Variants in MSH3 observed in about 807,000 individuals in gnomAD.
The protein encoded by MSH3 is DNA mismatch repair protein Msh3.
A neutral mutation model predicts 123.3 loss-of-function variants in MSH3; 106 were observed. The observed-to-expected ratio is 0.86, with a 90% CI of 0.73 to 1.01. MSH3 has a LOEUF of 1.01. MSH3 is among the 50% of genes least tolerant of loss of function. The pLI is 0.00. For synonymous variants in MSH3, 515 were observed against 481.4 expected (o/e 1.07, Z -0.91); for missense variants, 1,459 against 1,347.6 (o/e 1.08, Z -1.29).
At chr5:80,830,386 C>A (rs954163264) in intron 20 of MSH3, among the ~76,000 whole-genome samples, 2 of 152,126 alleles carry the variant, frequency 1.3e-5, no homozygotes, top group Non-Finnish European at 2.9e-5. Flanking sequence ...TAATTTCTAA[C>A]ATTTTATAGG....
intron 13 of MSH3, among the ~76,000 whole-genome samples, chr5:80,763,342 T>C (rs767236670): frequency 2.6e-5 from 4 of 152,208 alleles, no homozygotes; most frequent in Non-Finnish European, 5.9e-5. Context: ...GAACTGGAAA[T>C]ACTGATCCTG....
chr5:80,810,196 A>ATATATATAT (rs1744985808), intron 19 of MSH3, among the ~76,000 whole-genome samples: 4 of 52,876 alleles, frequency 7.6e-5, no homozygotes, highest in African/African-American at 3.3e-4. Context: ...TATATATATA[A>ATATATATAT]ACTAGTAGCA....
Position 80,679,009 on chromosome 5 carries a change from C to T in MSH3, c.1256C>T (p.Ser419Leu), listed in dbSNP as rs578113271. 3.1e-6 allele frequency: 5 copies of T among 1,614,132 alleles called. No individual in the cohort carries two copies. Among genetic ancestry groups the T allele is most frequent in the African/African-American group, 1.3e-5 (1 of 75,050 alleles). ...ASRSELETRM[S>L]SLQPVELLLP... The stretch of plus-strand genomic sequence containing the variant: ...CGTTCAGAGCTAGAAACCCGGATGT[C>T]AAGCCTGCAGCCAGTAGAGCTGCTG... Residue 419 changes from serine to leucine, a missense_variant, in exon 8 of 24, where the codon TCA becomes TTA. Physicochemically the swap from Ser to Leu is moderately radical, Grantham distance 145. Transcript: ENST00000265081.
chr5:80,819,579 T>G (rs1249021177), intron 20 of MSH3, among the ~76,000 whole-genome samples: 4 of 151,378 alleles, frequency 2.6e-5, no homozygotes, highest in Non-Finnish European at 5.9e-5. Context: ...CTCCGCCTCC[T>G]GGATTCAAGC....
In MSH3 at chr5:80,655,313, T is replaced by TC. The variant is rs375240461; in HGVS notation, c.237+349_237+350insC. On this transcript the variant is annotated intron_variant, in intron 1 of 23. Coordinates refer to ENST00000265081, the MANE Select transcript of MSH3 (RefSeq NM_002439.5). ...TTTTTTTTCCTTGGTGGTCGAAGAG[T>TC]TTTACTGATTTTTTAAAAAAGTGCT... 3.4e-3 allele frequency: 840 copies of TC among 248,118 alleles called. 11 individuals are homozygous for TC. The highest frequency in any genetic ancestry group is 0.016 in the African/African-American group (736 of 45,348). The allele number at this position is 248,118 out of a possible 1,614,324, so 15.4% of individuals were successfully genotyped here. A position where few individuals can be genotyped will look rare whatever the true frequency, so the allele number is the denominator to read the frequency against.
In MSH3 at chr5:80,750,078, A is replaced by AGTGTGCGTGTGT. The variant is rs138305039; in HGVS notation, c.1763+5468_1763+5469insCGTGTGTGTGTG. On this transcript the variant is annotated intron_variant, in intron 12 of 23. Transcript: ENST00000265081. ...TTTTTAAGGCTGAATAGTATTCCAG[A>AGTGTGCGTGTGT]GTGTGTGTGTGTGTGTGTGTGTGTG... is the stretch of plus-strand genomic sequence containing the variant. Among the ~76,000 whole-genome samples the AGTGTGCGTGTGT allele has an allele frequency of 2.3e-3, 304 of 134,260 alleles. 2 individuals are homozygous for AGTGTGCGTGTGT. Among genetic ancestry groups the AGTGTGCGTGTGT allele is most frequent in the African/African-American group, 8.1e-3 (271 of 33,382 alleles). The allele number at this position is 134,260 out of a possible 152,430, so 88.1% of individuals were successfully genotyped here. A position where few individuals can be genotyped will look rare whatever the true frequency, so the allele number is the denominator to read the frequency against.
At chr5:80,789,578 C>T (rs1363670574) in intron 18 of MSH3, among the ~76,000 whole-genome samples, 2 of 152,132 alleles carry the variant, frequency 1.3e-5, no homozygotes, top group South Asian at 4.1e-4. Flanking sequence ...ACCATGTTGG[C>T]CAGGCTGGTC....
intron 8 of MSH3, among the ~76,000 whole-genome samples, chr5:80,690,828 A>T (rs1013818109): frequency 1.3e-5 from 2 of 152,146 alleles, no homozygotes; most frequent in Non-Finnish European, 2.9e-5. Context: ...TAACATTTTA[A>T]AAAAATACAG....
intron 8 of MSH3, among the ~76,000 whole-genome samples, chr5:80,693,091 A>G (rs1750355506): frequency 1.4e-5 from 2 of 139,258 alleles, no homozygotes; most frequent in Admixed American, 1.5e-4. Flanking sequence ...GTTTATATAG[A>G]TAAATATACA....
At chr5:80,871,638 C>G (rs1746216818) in intron 22 of MSH3, among the ~76,000 whole-genome samples, 1 of 152,198 alleles carries the variant, frequency 6.6e-6, no homozygotes, top group Non-Finnish European at 1.5e-5. Flanking sequence ...GTGAGCATCT[C>G]CACAGACAGC....
chr5:80,817,248 A>G (rs962218939), intron 20 of MSH3, among the ~76,000 whole-genome samples: 9 of 152,102 alleles, frequency 5.9e-5, no homozygotes, highest in Non-Finnish European at 1.0e-4. Context: ...AGTGGTCAAC[A>G]GTGCTGAAAG....
chr5:80,767,287 G>A lies in MSH3; in HGVS notation c.1897-646G>A, dbSNP rs147901899. Among the ~76,000 whole-genome samples, 645 of 152,122 alleles carry A rather than the reference G, an allele frequency of 4.2e-3. 6 individuals carry two copies. Among genetic ancestry groups the A allele is most frequent in the African/African-American group, 0.014 (593 of 41,530 alleles). On this transcript the variant is annotated intron_variant, in intron 13 of 23. Coordinates refer to ENST00000265081, the MANE Select transcript of MSH3 (RefSeq NM_002439.5). ...AGGGTTATGTGCACTTTTTTATTAC[G>A]AAGACATGCCAAGTTGTTTTTCAAA...
chr5:80,858,501 T>C (rs151130340), intron 21 of MSH3, among the ~76,000 whole-genome samples: 1 of 152,356 alleles, frequency 6.6e-6, no homozygotes, highest in African/African-American at 2.4e-5. Flanking sequence ...TTAGTCTCCA[T>C]GTATTTGGGG....
chr5:80,780,398 A>G (rs1744390034), intron 17 of MSH3, among the ~76,000 whole-genome samples: 2 of 152,206 alleles, frequency 1.3e-5, no homozygotes, highest in Non-Finnish European at 2.9e-5. Flanking sequence ...TATCATACCC[A>G]ACTTACAAAT....
intron 19 of MSH3, among the ~76,000 whole-genome samples, chr5:80,798,811 C>G (rs905877515): frequency 2.6e-5 from 4 of 152,310 alleles, no homozygotes; most frequent in East Asian, 3.9e-4. Context: ...TGGCCCTCCC[C>G]TCTCTTCTTA....
chr5:80,729,429 A>ATGTGTGTGTGT (rs1561458052), intron 10 of MSH3, among the ~76,000 whole-genome samples: 64 of 62,756 alleles, frequency 1.0e-3, no homozygotes, highest in African/African-American at 4.3e-3. Flanking sequence ...AAAAAAAAAA[A>ATGTGTGTGTGT]ATGTGTGTGT....
At chr5:80,869,071 A>G (rs1746154669) in intron 22 of MSH3, among the ~76,000 whole-genome samples, 1 of 152,192 alleles carries the variant, frequency 6.6e-6, no homozygotes. Context: ...ACAATGGACA[A>G]ACAGTTAAGA....
intron 22 of MSH3, among the ~76,000 whole-genome samples, chr5:80,871,882 A>G (rs902554759): frequency 1.3e-5 from 2 of 152,154 alleles, no homozygotes; most frequent in South Asian, 2.1e-4. Context: ...GAGGCTGCCT[A>G]CAACAACCAG....
intron 11 of MSH3, 96 bp downstream of exon 11, chr5:80,741,644 T>C: frequency 1.2e-6 from 1 of 848,058 alleles, no homozygotes; most frequent in Admixed American, 1.8e-5. Flanking sequence ...GGTGAAAATA[T>C]AGTGTCTTTA....
Sources: allele counts gnomAD v4.1 joint callset (sites outside exome capture counted in the v4.1 genomes callset), GRCh38; gene constraint gnomAD v4.1.1; transcripts MANE v1.5; gene names NCBI Gene and HGNC (gene_info 2026-07-23, HGNC 2026-07-21).